REV1: variants seen among roughly 807,000 people sequenced by gnomAD.
REV1 encodes the protein translesion synthesis protein REV1.
Under a neutral mutation model 137.4 loss-of-function variants are expected in REV1, and 42 were observed. That is an observed-to-expected ratio of 0.31 (90% CI 0.24 to 0.40). REV1 has a LOEUF of 0.40. Among genes scored for constraint, REV1 ranks in the 10% least tolerant of loss-of-function variants. REV1 has a pLI of 1.00. For synonymous variants in REV1, 524 were observed against 519.2 expected (o/e 1.01, Z -0.12); for missense variants, 1,282 against 1,490.1 (o/e 0.86, Z 2.30).
chr2:99,462,765 A>G (rs777212771), intron 2 of REV1, 143 bp from the exon 3 acceptor site: 65 of 822,582 alleles, frequency 7.9e-5, no homozygotes, highest in Non-Finnish European at 1.0e-4. Context: ...CCTCATAAAC[A>G]TAAACCATAA....
At chr2:99,412,331 T>TG (rs1309435193) in intron 13 of REV1, among the ~76,000 whole-genome samples, 8 of 151,572 alleles carry the variant, frequency 5.3e-5, no homozygotes, top group Admixed American at 5.3e-4. Context: ...CTCAGCCATC[T>TG]GTGCTGCAGC....
chr2:99,438,256 A>G (rs1418911707), intron 6 of REV1, among the ~76,000 whole-genome samples: 1 of 152,186 alleles, frequency 6.6e-6, no homozygotes, highest in Non-Finnish European at 1.5e-5. Flanking sequence ...TATCAAACCA[A>G]TTTCATTCTT....
intron 3 of REV1, chr2:99,451,284 G>T (rs375344645): frequency 9.9e-7 from 1 of 1,012,544 alleles, no homozygotes; most frequent in African/African-American, 1.7e-5. Flanking sequence ...GTCCTTTACC[G>T]AATAAAAAGA....
chr2:99,472,672 C>G (rs1197276919), intron 1 of REV1, among the ~76,000 whole-genome samples: 2 of 152,240 alleles, frequency 1.3e-5, no homozygotes, highest in Non-Finnish European at 2.9e-5. Context: ...ATCTGTACAG[C>G]AGTACCTGGG....
At chr2:99,459,089 T>C (rs947157607) in intron 3 of REV1, among the ~76,000 whole-genome samples, 1 of 151,840 alleles carries the variant, frequency 6.6e-6, no homozygotes, top group African/African-American at 2.4e-5. Context: ...CCACCTGTAG[T>C]CCCAGCTACT....
At chr2:99,480,764 G>C (rs1054300530) in intron 1 of REV1, among the ~76,000 whole-genome samples, 1 of 152,018 alleles carries the variant, frequency 6.6e-6, no homozygotes, top group African/African-American at 2.4e-5. Context: ...TCTATTAAAT[G>C]TAATTCCAAA....
rs1196922099 is a variant in REV1, at chr2:99,406,440, T to A, written c.2499A>T (p.Thr833=). The A allele has an allele frequency of 6.2e-7, 1 of 1,613,618 alleles. No homozygotes were observed. The highest frequency in any genetic ancestry group is 8.5e-7 in the Non-Finnish European group (1 of 1,179,730). The change falls in exon 16 of 23, where the codon ACA becomes ACT. Residue 833 remains threonine, a synonymous_variant. Transcript: ENST00000258428. The part of the protein sequence containing the change: ...QLVPTNLNPS[T]CPSRPSVQSS... ...ACTGAACTGATGGGCGACTGGGACATGTGGAAGGGTTCAGATTAGTTGGAA... is the reference window on the plus strand; with the variant it reads ...ACTGAACTGATGGGCGACTGGGACAAGTGGAAGGGTTCAGATTAGTTGGAA...
At chr2:99,465,378 G>A (rs1157575968) in intron 1 of REV1, among the ~76,000 whole-genome samples, 1 of 152,144 alleles carries the variant, frequency 6.6e-6, no homozygotes, top group Admixed American at 6.6e-5. Flanking sequence ...CCTATAGTGT[G>A]GCTTTTAAAC....
At chr2:99,403,398 G>A in intron 19 of REV1, 1 of 557,470 alleles carries the variant, frequency 1.8e-6, no homozygotes, top group Non-Finnish European at 3.2e-6. Context: ...ATCCTTTAAT[G>A]TATTCATCTC....
chr2:99,487,463 A>C (rs1219644977), intron 1 of REV1, among the ~76,000 whole-genome samples: 1 of 118,998 alleles, frequency 8.4e-6, no homozygotes, highest in African/African-American at 3.0e-5. Flanking sequence ...TGGAACTTAG[A>C]CTAGGATTCA....
intron 10 of REV1, among the ~76,000 whole-genome samples, chr2:99,422,067 GA>G (rs1362587952): frequency 1.3e-5 from 2 of 152,072 alleles, no homozygotes; most frequent in Admixed American, 6.6e-5. Context: ...ATCCTTTAAG[GA>G]ACAGAAAAAT....
intron 3 of REV1, among the ~76,000 whole-genome samples, chr2:99,458,480 G>A (rs1008380566): frequency 6.6e-6 from 1 of 152,240 alleles, no homozygotes; most frequent in Non-Finnish European, 1.5e-5. Context: ...TACAAGGCTA[G>A]TGGGAGTATA....
intron 4 of REV1, among the ~76,000 whole-genome samples, chr2:99,448,888 A>C (rs1367628268): frequency 6.6e-6 from 1 of 152,228 alleles, no homozygotes. Flanking sequence ...AGGATGCCAA[A>C]TCCTAGGCTA....
chr2:99,453,186 C>T (rs1442370776), intron 3 of REV1, among the ~76,000 whole-genome samples: 8 of 151,952 alleles, frequency 5.3e-5, no homozygotes, highest in African/African-American at 1.9e-4. Flanking sequence ...TGGTGAAACC[C>T]CGTCTCTACT....
chr2:99,401,099 T>C lies in REV1; in HGVS notation c.*142A>G, dbSNP rs562143600. 21 of 501,056 alleles carry C rather than the reference T, an allele frequency of 4.2e-5. No homozygotes were observed. The highest frequency in any genetic ancestry group is 7.1e-5 in the Non-Finnish European group (20 of 283,130). 31.0% of individuals were successfully genotyped at this position (501,056 alleles called of 1,614,324 possible). On this transcript the variant is annotated 3_prime_UTR_variant, in exon 23 of 23. Coordinates refer to ENST00000258428, the MANE Select transcript of REV1 (RefSeq NM_016316.4). ...GCAATACTGACAAATTTGGCACTTTTTGAAAAGAAATGTACAAAACACTTG... is the reference window on the plus strand; with the variant it reads ...GCAATACTGACAAATTTGGCACTTTCTGAAAAGAAATGTACAAAACACTTG...
rs992991120 is a variant in REV1 at position 99,419,225 on chromosome 2, T to G, written c.1832-278A>C. ...TCCTGATTTTTTTTTTTTTTTTTTT[T>G]TTGGGGGATGGAGGCTCACTCTGTT... On this transcript the variant is annotated intron_variant, in intron 11 of 22. Transcript: ENST00000258428. 6.2e-4 allele frequency among the ~76,000 whole-genome samples: 80 copies of G among 129,798 alleles called. 2 individuals are homozygous for G. Among genetic ancestry groups the G allele is most frequent in the East Asian group, 3.4e-3 (17 of 5,000 alleles). The allele number at this position is 129,798 out of a possible 152,430, so 85.2% of individuals were successfully genotyped here.
At chr2:99,458,069 G>A (rs909977537) in intron 3 of REV1, among the ~76,000 whole-genome samples, 1 of 152,092 alleles carries the variant, frequency 6.6e-6, no homozygotes, top group Non-Finnish European at 1.5e-5. Context: ...AGACTTGCAA[G>A]CACAATCCAT....
chr2:99,489,172 C>T (rs1012252827), intron 1 of REV1, among the ~76,000 whole-genome samples: 2 of 152,116 alleles, frequency 1.3e-5, no homozygotes, highest in African/African-American at 4.8e-5. Flanking sequence ...AGTTGGGGAA[C>T]GGCGCCCAGC....
intron 3 of REV1, among the ~76,000 whole-genome samples, chr2:99,456,406 G>A (rs1228340872): frequency 1.3e-5 from 2 of 152,186 alleles, no homozygotes; most frequent in Non-Finnish European, 2.9e-5. Context: ...GAAGAGGAAG[G>A]TGGATAAGGG....
Sources: allele counts gnomAD v4.1 joint callset (sites outside exome capture counted in the v4.1 genomes callset), GRCh38; gene constraint gnomAD v4.1.1; transcripts MANE v1.5; gene names NCBI Gene and HGNC (gene_info 2026-07-23, HGNC 2026-07-21).